Variants in LPAR1 observed in about 807,000 individuals in gnomAD.
The protein encoded by LPAR1 is lysophosphatidic acid receptor 1.
A neutral mutation model predicts 23.8 loss-of-function variants in LPAR1; 5 were observed. The ratio of observed to expected loss-of-function variants is 0.21; its 90% CI spans 0.11 to 0.44. The LOEUF (loss-of-function observed/expected upper bound fraction) is 0.44. Among genes scored for constraint, LPAR1 ranks in the 20% least tolerant of loss-of-function variants. The pLI is 0.99. For missense variants in LPAR1, 311 were observed against 482.8 expected, an observed-to-expected ratio of 0.64 and a Z score of 3.33; for synonymous variants, 160 against 164.7, an observed-to-expected ratio of 0.97 and a Z score of 0.22.
intron 5 of LPAR1, among the ~76,000 whole-genome samples, chr9:110,918,025 T>A (rs1477609239): frequency 2.0e-5 from 3 of 152,062 alleles, no homozygotes; most frequent in Non-Finnish European, 2.9e-5. Flanking sequence ...AACTCAGCCT[T>A]CCAAGTAGCT....
At chr9:111,015,124 A>AGAAAT (rs1423013689) in intron 2 of LPAR1, among the ~76,000 whole-genome samples, 1 of 152,124 alleles carries the variant, frequency 6.6e-6, no homozygotes, top group Non-Finnish European at 1.5e-5. Context: ...TCAGAAGAAA[A>AGAAAT]CAGTCCTCAC....
chr9:110,947,392 C>A lies in LPAR1; in HGVS notation c.46-5224G>T, dbSNP rs1402351904. On this transcript the variant is annotated intron_variant, in intron 4 of 5. Transcript: ENST00000683809. ...AAAACTGAAAAGAGAAGTTCATATTCATGCCCTTTTCTCACCCATCAATTA... is the reference window on the plus strand; with the variant it reads ...AAAACTGAAAAGAGAAGTTCATATTAATGCCCTTTTCTCACCCATCAATTA... Among the ~76,000 whole-genome samples the A allele has an allele frequency of 2.0e-5, 3 of 152,206 alleles. No homozygotes were observed. In the East Asian group the frequency reaches 5.8e-4, roughly 29 times the overall value.
chr9:111,007,257 G>A (rs1440030239), intron 2 of LPAR1, among the ~76,000 whole-genome samples: 1 of 152,004 alleles, frequency 6.6e-6, no homozygotes, highest in East Asian at 1.9e-4. Flanking sequence ...CCCAGTCTTA[G>A]GTATTTCTTT....
chr9:110,946,117 A>C (rs1283826275), intron 4 of LPAR1, among the ~76,000 whole-genome samples: 1 of 152,190 alleles, frequency 6.6e-6, no homozygotes, highest in Non-Finnish European at 1.5e-5. Context: ...AAGTATAAAA[A>C]TTCCAGAAAA....
chr9:110,906,268 G>T, intron 5 of LPAR1, among the ~76,000 whole-genome samples: 1 of 151,826 alleles, frequency 6.6e-6, no homozygotes, highest in South Asian at 2.1e-4. Flanking sequence ...ATTATATGTA[G>T]GACAATGTTA....
chr9:111,010,315 T>C (rs2097309311), intron 2 of LPAR1, among the ~76,000 whole-genome samples: 1 of 151,994 alleles, frequency 6.6e-6, no homozygotes, highest in South Asian at 2.1e-4. Flanking sequence ...GTTCCTGGTG[T>C]CCTAGTTCCC....
intron 2 of LPAR1, among the ~76,000 whole-genome samples, chr9:111,021,538 A>G (rs1186532811): frequency 6.6e-6 from 1 of 152,222 alleles, no homozygotes; most frequent in African/African-American, 2.4e-5. Context: ...TAGATGCTGC[A>G]TATTTCTCCA....
intron 2 of LPAR1, among the ~76,000 whole-genome samples, chr9:110,983,749 T>TA (rs2096722156): frequency 6.6e-6 from 1 of 151,696 alleles, no homozygotes; most frequent in East Asian, 1.9e-4. Context: ...CTTTAAAAAT[T>TA]AAAAGAAATC....
At chr9:110,939,132 C>T (rs138660544) in intron 5 of LPAR1, among the ~76,000 whole-genome samples, 1 of 152,166 alleles carries the variant, frequency 6.6e-6, no homozygotes, top group Non-Finnish European at 1.5e-5. Context: ...ACCCATGTCT[C>T]CCATGTAACC....
At chr9:110,885,067 A>AT (rs536117223) in intron 5 of LPAR1, among the ~76,000 whole-genome samples, 5 of 152,104 alleles carry the variant, frequency 3.3e-5, no homozygotes, top group East Asian at 1.9e-4. Context: ...AGGCGATCAG[A>AT]TTTTTTTATT....
At chr9:110,985,240 C>T (rs1337939028) in intron 2 of LPAR1, among the ~76,000 whole-genome samples, 2 of 152,104 alleles carry the variant, frequency 1.3e-5, no homozygotes, top group East Asian at 1.9e-4. Flanking sequence ...CTGCTTTCCT[C>T]TCTCTGTGGC....
chr9:110,932,035 A>C (rs1400775662), intron 5 of LPAR1, among the ~76,000 whole-genome samples: 3 of 152,182 alleles, frequency 2.0e-5, no homozygotes, highest in Non-Finnish European at 4.4e-5. Context: ...GCCTTAAAAA[A>C]AGTCCTGAGA....
At chr9:110,926,278 A>G (rs961713870) in intron 5 of LPAR1, among the ~76,000 whole-genome samples, 12 of 152,252 alleles carry the variant, frequency 7.9e-5, no homozygotes, top group African/African-American at 2.7e-4. Context: ...TCTTCAGATT[A>G]TACCATGCTG....
chr9:110,964,456 T>A (rs1020146219), intron 4 of LPAR1, among the ~76,000 whole-genome samples: 6 of 152,210 alleles, frequency 3.9e-5, no homozygotes, highest in Non-Finnish European at 8.8e-5. Flanking sequence ...TTTTTAGATA[T>A]GCATATTAAC....
intron 5 of LPAR1, among the ~76,000 whole-genome samples, chr9:110,893,567 T>C (rs375770581): frequency 6.6e-6 from 1 of 152,210 alleles, no homozygotes; most frequent in African/African-American, 2.4e-5. Context: ...ACCAAATCAT[T>C]GGCAGTAGTT....
Position 110,921,133 on chromosome 9 carries a change from C to CA in LPAR1, c.793+20287dup, listed in dbSNP as rs532993437. On this transcript the variant is annotated intron_variant, in intron 5 of 5. Transcript: ENST00000683809. ...TGTGTGACAGAGCAAAACCCTGTTT[C>CA]AAAAAACAAAACAAAAAACAAAACA... Among the ~76,000 whole-genome samples the CA allele has an allele frequency of 5.3e-5, 8 of 151,680 alleles. No homozygotes were observed. In the South Asian group the frequency reaches 6.3e-4, roughly 12 times the overall value.
intron 5 of LPAR1, among the ~76,000 whole-genome samples, chr9:110,920,949 C>G (rs553075797): frequency 1.3e-5 from 2 of 151,550 alleles, no homozygotes; most frequent in African/African-American, 4.8e-5. Flanking sequence ...ATAATGAGAC[C>G]CCATCTCAAC....
intron 4 of LPAR1, among the ~76,000 whole-genome samples, chr9:110,948,189 G>C (rs944061563): frequency 1.3e-5 from 2 of 152,088 alleles, no homozygotes; most frequent in Middle Eastern, 3.2e-3. Flanking sequence ...CTCCAAAAAA[G>C]ATTAGAAAAG....
intron 2 of LPAR1, among the ~76,000 whole-genome samples, chr9:111,000,974 C>T (rs1381930400): frequency 6.6e-6 from 1 of 151,432 alleles, no homozygotes; most frequent in African/African-American, 2.4e-5. Context: ...CATAATAACC[C>T]CTTTTGTTCA....
Sources: allele counts gnomAD v4.1 joint callset (sites outside exome capture counted in the v4.1 genomes callset), GRCh38; gene constraint gnomAD v4.1.1; transcripts MANE v1.5; gene names NCBI Gene and HGNC (gene_info 2026-07-23, HGNC 2026-07-21).